Variants in IVNS1ABP observed in about 807,000 individuals in gnomAD.
IVNS1ABP encodes influenza virus NS1A binding protein, also known as influenza virus NS1A-binding protein.
IVNS1ABP carries 25 observed loss-of-function variants against 78.9 expected under a neutral mutation model. The ratio of observed to expected loss-of-function variants is 0.32; its 90% CI spans 0.23 to 0.44. IVNS1ABP has a LOEUF of 0.44. Among genes scored for constraint, IVNS1ABP ranks in the 20% least tolerant of loss-of-function variants. The pLI is 1.00. For synonymous variants in IVNS1ABP, 241 were observed against 259.7 expected (o/e 0.93, Z 0.69); for missense variants, 494 against 768.9 (o/e 0.64, Z 4.23).
rs545471263 is a variant in IVNS1ABP at position 185,302,840 on chromosome 1, T to C, written c.766-1277A>G. Among the ~76,000 whole-genome samples the C allele has an allele frequency of 2.6e-5, 4 of 152,200 alleles. No homozygotes were observed. In the East Asian group the frequency reaches 5.8e-4, roughly 22 times the overall value. On this transcript the variant is annotated intron_variant, in intron 8 of 14. Transcript: ENST00000367498. ...AAAAATATTGAAACTCAAGAAGATA[T>C]GCATTGCCCAAGGCAATACAACTAA... is the stretch of plus-strand genomic sequence containing the variant.
At chr1:185,309,859 G>T (rs1665838666) in intron 2 of IVNS1ABP, among the ~76,000 whole-genome samples, 1 of 152,154 alleles carries the variant, frequency 6.6e-6, no homozygotes, top group South Asian at 2.1e-4. Context: ...TAATCTAAAA[G>T]CCTGAAAGGG....
intron 1 of IVNS1ABP, among the ~76,000 whole-genome samples, chr1:185,313,584 GT>G (rs2102824323): frequency 6.6e-6 from 1 of 152,186 alleles, no homozygotes; most frequent in Non-Finnish European, 1.5e-5. Context: ...CAAATCAAGA[GT>G]TTTAAACTAC....
Position 185,308,878 on chromosome 1 carries a change from A to G in IVNS1ABP, c.282-3T>C, listed in dbSNP as rs772948103. 1.2e-6 allele frequency: 2 copies of G among 1,602,990 alleles called. No homozygotes were observed. Among genetic ancestry groups the G allele is most frequent in the Non-Finnish European group, 1.7e-6 (2 of 1,176,608 alleles). On this transcript the variant is annotated splice_polypyrimidine_tract_variant and splice_region_variant and intron_variant, in intron 4 of 14. Transcript: ENST00000367498. The stretch of plus-strand genomic sequence containing the variant: ...CCAATTCCTTATCTGCTTTCAACCT[A>G]TTTAAAAAAAAAGTTACTTATGATA...
At chr1:185,307,849 T>C (rs1001070049) in intron 5 of IVNS1ABP, 187 bp from the exon 6 acceptor site, 32 of 1,300,140 alleles carry the variant, frequency 2.5e-5, no homozygotes, top group South Asian at 2.4e-4. Context: ...CATACAGATA[T>C]GTAAGTTTTA....
At chr1:185,308,548 A>C (rs1289259546) in intron 5 of IVNS1ABP, among the ~76,000 whole-genome samples, 1 of 152,194 alleles carries the variant, frequency 6.6e-6, no homozygotes, top group Non-Finnish European at 1.5e-5. Flanking sequence ...CATGCTATCA[A>C]AGGCTGACAT....
chr1:185,301,865 T>C (rs1403890605), intron 8 of IVNS1ABP, among the ~76,000 whole-genome samples: 2 of 152,150 alleles, frequency 1.3e-5, no homozygotes, highest in Non-Finnish European at 2.9e-5. Flanking sequence ...CAATCTATAA[T>C]TATTTTTATA....
At chr1:185,315,312 CT>C (rs530133261) in intron 1 of IVNS1ABP, among the ~76,000 whole-genome samples, 137 of 152,272 alleles carry the variant, frequency 9.0e-4, no homozygotes, top group Non-Finnish European at 1.5e-3. Context: ...AAAATCCCAC[CT>C]TCCAAAAGCA....
intron 1 of IVNS1ABP, among the ~76,000 whole-genome samples, chr1:185,312,851 C>CAT (rs1028184610): frequency 1.3e-5 from 2 of 152,132 alleles, no homozygotes; most frequent in South Asian, 2.1e-4. Context: ...AGAAAATTTT[C>CAT]ATATATATAT....
Position 185,296,718 on chromosome 1 carries a change from G to A in IVNS1ABP, c.*1317C>T, listed in dbSNP as rs1665428245. On this transcript the variant is annotated 3_prime_UTR_variant, in exon 15 of 15. Coordinates refer to ENST00000367498, the MANE Select transcript of IVNS1ABP (RefSeq NM_006469.5). ...TCACCTCATCCCAGTTGGCCCATTAGGTTCCTGTGTGCTTCATCTTCTGTG... is the reference window on the plus strand; with the variant it reads ...TCACCTCATCCCAGTTGGCCCATTAAGTTCCTGTGTGCTTCATCTTCTGTG... The A allele has an allele frequency of 6.6e-6, 1 of 151,964 alleles. No homozygotes were observed. 9.4% of individuals were successfully genotyped at this position (151,964 alleles called of 1,614,324 possible). A position where few individuals can be genotyped will look rare whatever the true frequency, so the allele number is the denominator to read the frequency against.
chr1:185,309,685 C>A (rs1665833881), intron 2 of IVNS1ABP, among the ~76,000 whole-genome samples, 174 bp from the exon 3 acceptor site: 1 of 152,180 alleles, frequency 6.6e-6, no homozygotes. Flanking sequence ...ATGTCCAAGT[C>A]TTTGTTCCCT....
intron 6 of IVNS1ABP, 115 bp from the exon 7 acceptor site, chr1:185,307,254 CTAATTTGTAAGGAACCAG>C (rs1665763292): frequency 7.7e-7 from 1 of 1,306,822 alleles, no homozygotes; most frequent in Admixed American, 2.4e-5. Context: ...TACATTTACT[CTAATTTGTAAGGAACCAG>C]GAATTTGTAA....
Position 185,298,644 on chromosome 1 carries a change from C to G in IVNS1ABP, c.1676-356G>C. On this transcript the variant is annotated intron_variant, in intron 14 of 14. Coordinates refer to ENST00000367498, the MANE Select transcript of IVNS1ABP (RefSeq NM_006469.5). The surrounding 1 kb of genome is among the most constrained non-coding windows in gnomAD (Gnocchi z 4.1). ...CTGGACAATTATCCTACAGATGCAG[C>G]TACTAAGTAGCAAACCAGAATAGTT... is the stretch of plus-strand genomic sequence containing the variant. The G allele has an allele frequency of 3.5e-6, 1 of 285,250 alleles. No homozygotes were observed. The highest frequency in any genetic ancestry group is 9.1e-5 in the East Asian group (1 of 10,946). 17.7% of individuals were successfully genotyped at this position (285,250 alleles called of 1,614,324 possible). A position where few individuals can be genotyped will look rare whatever the true frequency, so the allele number is the denominator to read the frequency against.
intron 1 of IVNS1ABP, among the ~76,000 whole-genome samples, chr1:185,313,234 A>G (rs765913913): frequency 5.0e-4 from 76 of 152,186 alleles, no homozygotes; most frequent in Non-Finnish European, 9.9e-4. Context: ...TATTATTATG[A>G]GTTTTGCAGT....
intron 8 of IVNS1ABP, among the ~76,000 whole-genome samples, chr1:185,304,099 G>A (rs1325726774): frequency 6.6e-6 from 1 of 151,966 alleles, no homozygotes; most frequent in Non-Finnish European, 1.5e-5. Flanking sequence ...TCCTAACACT[G>A]CTCAAAAGTT....
intron 1 of IVNS1ABP, among the ~76,000 whole-genome samples, chr1:185,316,380 G>A (rs1571754132): frequency 6.6e-6 from 1 of 152,176 alleles, no homozygotes; most frequent in Non-Finnish European, 1.5e-5. Context: ...AACGTGGAGC[G>A]GGAACAAAGG....
At chr1:185,300,382 G>A (rs780056191) in intron 11 of IVNS1ABP, 39 bp from the exon 12 acceptor site, 3 of 1,613,384 alleles carry the variant, frequency 1.9e-6, no homozygotes, top group Non-Finnish European at 2.5e-6. Flanking sequence ...CTAACATCCT[G>A]AAGTTACGAG....
chr1:185,301,825 G>A, intron 8 of IVNS1ABP: 1 of 251,232 alleles, frequency 4.0e-6, no homozygotes, highest in East Asian at 7.6e-5. Flanking sequence ...AAAACATGTT[G>A]CAAATCAAGA....
intron 1 of IVNS1ABP, among the ~76,000 whole-genome samples, chr1:185,312,270 T>A (rs909454709): frequency 2.6e-5 from 4 of 152,218 alleles, no homozygotes; most frequent in Non-Finnish European, 5.9e-5. Flanking sequence ...TTTCACATCA[T>A]CAATTACTAG....
chr1:185,300,169 A>C (rs1157223121), intron 12 of IVNS1ABP, 39 bp from the exon 13 acceptor site: 1 of 1,604,284 alleles, frequency 6.2e-7, no homozygotes. Context: ...TTGATAATTT[A>C]ATTATCATAT....
Sources: gnomAD v4.1 joint callset for allele counts (sites outside exome capture counted in the v4.1 genomes callset) on GRCh38, gnomAD v4.1.1 for gene constraint, Gnocchi (gnomAD v3.1) non-coding constraint, MANE v1.5 for transcripts, NCBI Gene and HGNC (gene_info 2026-07-23, HGNC 2026-07-21) for gene names.